Variants in OPCML observed in about 807,000 individuals in gnomAD.
OPCML encodes opioid-binding protein/cell adhesion molecule.
OPCML carries 13 observed loss-of-function variants against 37.8 expected under a neutral mutation model. The observed-to-expected ratio is 0.34, with a 90% CI of 0.22 to 0.55. OPCML has a LOEUF of 0.55. OPCML is among the 20% of genes least tolerant of loss of function. OPCML has a pLI of 0.91. For missense variants in OPCML, 341 were observed against 435.6 expected (o/e 0.78, Z 1.93); for synonymous variants, 176 against 168.8 (o/e 1.04, Z -0.33).
At chr11:133,135,505 C>T (rs1949675960) in intron 1 of OPCML, among the ~76,000 whole-genome samples, 1 of 148,350 alleles carries the variant, frequency 6.7e-6, no homozygotes, top group African/African-American at 2.5e-5. Flanking sequence ...AGGAGGGTTT[C>T]CTCTCTTAGG....
At chr11:132,796,755 T>C (rs1225237272) in intron 2 of OPCML, among the ~76,000 whole-genome samples, 4 of 151,828 alleles carry the variant, frequency 2.6e-5, no homozygotes, top group African/African-American at 9.7e-5. Flanking sequence ...TTTTTTGTAT[T>C]TTTTAGTAGA....
At chr11:132,461,648 T>C (rs2096102251) in intron 4 of OPCML, among the ~76,000 whole-genome samples, 1 of 152,170 alleles carries the variant, frequency 6.6e-6, no homozygotes, top group Admixed American at 6.5e-5. Context: ...TGTGTTTTAG[T>C]CCATTCTCAT....
chr11:133,246,202 A>C (rs2136422648), intron 1 of OPCML, among the ~76,000 whole-genome samples: 1 of 152,320 alleles, frequency 6.6e-6, no homozygotes, highest in East Asian at 1.9e-4. Context: ...AGAGTTCAAA[A>C]CTAATTCAAT....
chr11:133,350,638 C>T lies in OPCML; in HGVS notation c.61+181626G>A, dbSNP rs866645552. ...GAACTATTGTTTTTACATGAAATAGCACATACTCTCTATATAGTGTGTGGC... is the reference window on the plus strand; with the variant it reads ...GAACTATTGTTTTTACATGAAATAGTACATACTCTCTATATAGTGTGTGGC... On this transcript the variant is annotated intron_variant, in intron 1 of 7. Transcript: ENST00000524381. Among the ~76,000 whole-genome samples, 8 of 152,250 alleles carry T rather than the reference C, an allele frequency of 5.3e-5. No homozygotes were observed. In the Middle Eastern group the frequency reaches 0.014, roughly 259 times the overall value.
At chr11:132,881,620 A>AAAAAT (rs142060369) in intron 2 of OPCML, among the ~76,000 whole-genome samples, 14 of 151,316 alleles carry the variant, frequency 9.3e-5, no homozygotes, top group South Asian at 4.2e-4. Context: ...AAATTTAAAA[A>AAAAAT]AATAATAATA....
At chr11:132,479,690 ACTGCCTCCTCAAGTGGGTCCCTGACCC>A (rs1026093531) in intron 4 of OPCML, among the ~76,000 whole-genome samples, 2 of 152,174 alleles carry the variant, frequency 1.3e-5, no homozygotes, top group Non-Finnish European at 2.9e-5. Flanking sequence ...GAACAGGCAG[ACTGCCTCCTCAAGTGGGTCCCTGACCC>A]CTGACCCCCA....
chr11:132,591,123 G>C (rs1184337274), intron 3 of OPCML, among the ~76,000 whole-genome samples: 2 of 152,138 alleles, frequency 1.3e-5, no homozygotes, highest in South Asian at 2.1e-4. Flanking sequence ...CTCTCCTTCT[G>C]TTAGTTATCC....
intron 1 of OPCML, among the ~76,000 whole-genome samples, chr11:133,109,009 G>C (rs1949207914): frequency 6.6e-6 from 1 of 152,142 alleles, no homozygotes; most frequent in African/African-American, 2.4e-5. Flanking sequence ...GCGTTTACCT[G>C]TTTTGCTCTC....
chr11:133,268,327 C>T (rs1435127124), intron 1 of OPCML, among the ~76,000 whole-genome samples: 2 of 152,222 alleles, frequency 1.3e-5, no homozygotes, highest in Admixed American at 1.3e-4. Flanking sequence ...CTGAAAGGGA[C>T]ATTTCCATAA....
intron 1 of OPCML, among the ~76,000 whole-genome samples, chr11:133,320,786 G>A (rs1401697589): frequency 6.6e-6 from 1 of 152,192 alleles, no homozygotes; most frequent in Admixed American, 6.5e-5. Flanking sequence ...CTGGGTCTGT[G>A]CTGTCTCTCC....
chr11:132,767,394 C>G (rs184578184), intron 2 of OPCML, among the ~76,000 whole-genome samples: 5 of 152,250 alleles, frequency 3.3e-5, no homozygotes, highest in Admixed American at 3.3e-4. Context: ...TCTTTGAGGT[C>G]AATAACTAAT....
chr11:132,870,518 G>T (rs528421748), intron 2 of OPCML, among the ~76,000 whole-genome samples: 2 of 151,826 alleles, frequency 1.3e-5, no homozygotes, highest in East Asian at 3.9e-4. Flanking sequence ...TAAAAATGGC[G>T]CCACCCTATG....
chr11:132,512,370 T>C (rs1020155651), intron 4 of OPCML, among the ~76,000 whole-genome samples: 2 of 151,934 alleles, frequency 1.3e-5, no homozygotes, highest in Non-Finnish European at 2.9e-5. Flanking sequence ...CTCAAGAAAA[T>C]TGTAAATATA....
At chr11:132,923,755 A>T (rs886362175) in intron 2 of OPCML, among the ~76,000 whole-genome samples, 3 of 92,068 alleles carry the variant, frequency 3.3e-5, no homozygotes, top group Admixed American at 2.6e-4. Context: ...AGTTACTTGA[A>T]TTTTTTTTTT....
intron 2 of OPCML, among the ~76,000 whole-genome samples, chr11:132,830,778 T>TA (rs1323385902): frequency 6.6e-6 from 1 of 152,148 alleles, no homozygotes; most frequent in African/African-American, 2.4e-5. Flanking sequence ...CATACCTTTC[T>TA]AAGGACAAGA....
chr11:132,663,727 G>A (rs1565757396), intron 2 of OPCML, among the ~76,000 whole-genome samples: 1 of 152,222 alleles, frequency 6.6e-6, no homozygotes, highest in Non-Finnish European at 1.5e-5. Flanking sequence ...GGAGAACTTC[G>A]TTATCACAGG....
chr11:133,217,840 C>T (rs997378485), intron 1 of OPCML, among the ~76,000 whole-genome samples: 1 of 152,104 alleles, frequency 6.6e-6, no homozygotes, highest in Non-Finnish European at 1.5e-5. Context: ...ATTACTTGAG[C>T]CCAGGGCAGC....
At chr11:133,138,793 C>G (rs1949728836) in intron 1 of OPCML, among the ~76,000 whole-genome samples, 2 of 152,130 alleles carry the variant, frequency 1.3e-5, no homozygotes, top group South Asian at 4.1e-4. Flanking sequence ...TCACTCAGGT[C>G]TTCTCCAAGA....
At chr11:132,465,008 G>A (rs571357583) in intron 4 of OPCML, among the ~76,000 whole-genome samples, 13 of 152,204 alleles carry the variant, frequency 8.5e-5, no homozygotes, top group African/African-American at 3.1e-4. Flanking sequence ...TTACCTAAAT[G>A]GCAAAATATG....
Sources: gnomAD v4.1 joint callset for allele counts (sites outside exome capture counted in the v4.1 genomes callset) on GRCh38, gnomAD v4.1.1 for gene constraint, MANE v1.5 for transcripts, NCBI Gene and HGNC (gene_info 2026-07-23, HGNC 2026-07-21) for gene names.